HHIPL2: variants seen among roughly 807,000 people sequenced by gnomAD.
HHIPL2 encodes HHIP like 2.
Under a neutral mutation model 61.0 loss-of-function variants are expected in HHIPL2, and 61 were observed. The ratio of observed to expected loss-of-function variants is 1.00; its 90% confidence interval spans 0.81 to 1.24. The LOEUF is 1.24. HHIPL2 is among the 50% of genes most tolerant of loss of function. The pLI, the probability that HHIPL2 is intolerant of heterozygous loss-of-function variation, is 0.00. For synonymous variants in HHIPL2, 343 were observed against 357.4 expected (o/e 0.96, Z 0.45); for missense variants, 885 against 910.2 (o/e 0.97, Z 0.36).
chr1:222,548,030 G>C lies in HHIPL2; in HGVS notation c.15C>G (p.Ser5=), dbSNP rs376346294. ...GCAGACCACCACACAGATTAGGAGT[G>C]GACGTTCTCAGCATTTTGGCCTTGG... is the stretch of plus-strand genomic sequence containing the variant. MLRT[S]TPNLCGGLHC... The change falls in exon 1 of 9, where the codon TCC becomes TCG. Residue 5 remains serine (S), a synonymous_variant. Coordinates refer to ENST00000343410, the MANE Select transcript of HHIPL2 (RefSeq NM_024746.4). 51 of 1,556,900 alleles carry C rather than the reference G, an allele frequency of 3.3e-5. No homozygotes were observed. In the African/African-American group the frequency reaches 4.4e-4, roughly 13 times the overall value.
intron 6 of HHIPL2, among the ~76,000 whole-genome samples, chr1:222,528,327 C>A (rs1571765163): frequency 6.6e-6 from 1 of 152,320 alleles, no homozygotes; most frequent in African/African-American, 2.4e-5. Flanking sequence ...GATAACCAGG[C>A]CGGGCGCGGT....
Position 222,532,164 on chromosome 1 carries a change from A to G in HHIPL2, c.1578-53T>C, listed in dbSNP as rs111442950. 1,344 of 1,515,518 alleles carry G rather than the reference A, an allele frequency of 8.9e-4. 12 individuals carry two copies. The African/African-American group carries it at 0.017, about 19-fold the overall frequency. 93.9% of individuals were successfully genotyped at this position (1,515,518 alleles called of 1,614,324 possible). A position where few individuals can be genotyped will look rare whatever the true frequency, so the allele number is the denominator to read the frequency against. On this transcript the variant is annotated intron_variant, in intron 5 of 8. Transcript: ENST00000343410. ...AGGAATCCATATATCCACTCTGCAG[A>G]ATACTTTTTCTCCTAGAATCAGAGA... is the stretch of plus-strand genomic sequence containing the variant.
At chr1:222,524,392 C>G (rs1421219466) in intron 7 of HHIPL2, 1 of 152,248 alleles carries the variant, frequency 6.6e-6, no homozygotes, top group Non-Finnish European at 1.5e-5. Flanking sequence ...CCTCCCAAGT[C>G]CAGGTGGGAG....
chr1:222,532,212 C>G, intron 5 of HHIPL2, 101 bp from the exon 6 acceptor site: 1 of 1,060,298 alleles, frequency 9.4e-7, no homozygotes, highest in Non-Finnish European at 1.3e-6. Flanking sequence ...AGGACTGAGT[C>G]CCCCATTAAG....
chr1:222,526,038 G>A (rs567520948), intron 7 of HHIPL2, among the ~76,000 whole-genome samples: 1 of 152,016 alleles, frequency 6.6e-6, no homozygotes, highest in South Asian at 2.1e-4. Flanking sequence ...AAAAAATCCA[G>A]TGCACTGCCC....
At chr1:222,532,242 C>A in intron 5 of HHIPL2, 131 bp from the exon 6 acceptor site, 1 of 710,558 alleles carries the variant, frequency 1.4e-6, no homozygotes, top group Non-Finnish European at 2.2e-6. Context: ...ACTAGCCTGC[C>A]TCCAAGCAAC....
At chr1:222,530,161 T>G (rs1304875947) in intron 6 of HHIPL2, among the ~76,000 whole-genome samples, 2 of 140,716 alleles carry the variant, frequency 1.4e-5, no homozygotes, top group African/African-American at 6.0e-5. Context: ...GTACCATGAC[T>G]GTTGTTTTTT....
intron 2 of HHIPL2, 135 bp downstream of exon 2, chr1:222,543,402 A>G: frequency 2.2e-6 from 2 of 900,624 alleles, no homozygotes. Flanking sequence ...GCCGTTCTCA[A>G]TCCACAGTGA....
At chr1:222,543,408 A>G (rs1165608516) in intron 2 of HHIPL2, 129 bp downstream of exon 2, 4 of 936,234 alleles carry the variant, frequency 4.3e-6, no homozygotes, top group Non-Finnish European at 6.5e-6. Flanking sequence ...CTCAATCCAC[A>G]GTGACTCCTT....
chr1:222,541,974 C>G (rs777856748), intron 3 of HHIPL2, 38 bp downstream of exon 3: 35 of 1,571,234 alleles, frequency 2.2e-5, no homozygotes, highest in Non-Finnish European at 2.9e-5. Context: ...CAGGGGCTCA[C>G]TCTGAAGGGA....
Position 222,540,271 on chromosome 1 carries a change from C to G in HHIPL2, c.1189G>C (p.Val397Leu). ...RAGSHGKRYR[V>L]PSDNPFVSEP... The stretch of plus-strand genomic sequence containing the variant: ...GAAACAAATGGATTGTCCGAGGGGA[C>G]TCGGTACCGCTTGCCATGTGAGCCT... Residue 397 changes from valine (V) to leucine (L), a missense_variant, in exon 4 of 9, where the codon GTC becomes CTC. Coordinates refer to ENST00000343410, the MANE Select transcript of HHIPL2 (RefSeq NM_024746.4). 1.2e-6 allele frequency: 2 copies of G among 1,614,216 alleles called. No homozygotes were observed. Among genetic ancestry groups the G allele is most frequent in the Non-Finnish European group, 1.7e-6 (2 of 1,180,032 alleles).
At chr1:222,546,047 A>AAAATAAATAAATAAAT (rs142768169) in intron 1 of HHIPL2, among the ~76,000 whole-genome samples, 29,375 of 141,148 alleles carry the variant, frequency 0.21, 3,466 homozygotes, top group Non-Finnish European at 0.24. Flanking sequence ...TCTGTCTCAA[A>AAAATAAATAAATAAAT]AAATAAATAA....
intron 6 of HHIPL2, among the ~76,000 whole-genome samples, chr1:222,528,421 A>G (rs113284668): frequency 0.028 from 4,190 of 152,322 alleles, 194 homozygotes; most frequent in African/African-American, 0.097. Context: ...AGCCTGGCCA[A>G]CATGGCAAAA....
chr1:222,538,724 T>C lies in HHIPL2; in HGVS notation c.1501A>G (p.Thr501Ala). The change falls in exon 5 of 9, where the codon ACT (threonine) becomes GCT (alanine). Residue 501 changes from threonine to alanine, a missense_variant. Physicochemically the swap from Thr to Ala is moderately conservative, Grantham distance 58 (BLOSUM62 0). Transcript: ENST00000343410. ...AYGHAVGKSV[T>A]GGYVYRGCES... ...CAACCACGATAGACATAACCTCCAGTGACTGACTTCCCCACTGCATGGCCA... is the reference window on the plus strand; with the variant it reads ...CAACCACGATAGACATAACCTCCAGCGACTGACTTCCCCACTGCATGGCCA... 1.2e-6 allele frequency: 2 copies of C among 1,614,010 alleles called. No individual in the cohort carries two copies. Among genetic ancestry groups the C allele is most frequent in the Non-Finnish European group, 1.7e-6 (2 of 1,179,888 alleles).
At chr1:222,534,081 G>T (rs1367813557) in intron 5 of HHIPL2, among the ~76,000 whole-genome samples, 9 of 152,188 alleles carry the variant, frequency 5.9e-5, no homozygotes, top group Non-Finnish European at 1.3e-4. Context: ...CAGTAGTGAG[G>T]AATAGAAAGC....
intron 5 of HHIPL2, among the ~76,000 whole-genome samples, chr1:222,534,302 C>T (rs1205291248): frequency 1.3e-5 from 2 of 152,200 alleles, no homozygotes; most frequent in South Asian, 4.1e-4. Flanking sequence ...GAGGAGAATA[C>T]AACCCATAAT....
At chr1:222,547,652 A>G in intron 1 of HHIPL2, 72 bp downstream of exon 1, 1 of 1,345,162 alleles carries the variant, frequency 7.4e-7, no homozygotes, top group Non-Finnish European at 1.0e-6. Context: ...CTCCCAAAGC[A>G]CCCTCCGCTC....
At chr1:222,527,133 A>C (rs1310826864) in intron 6 of HHIPL2, 83 bp from the exon 7 acceptor site, 1 of 1,092,536 alleles carries the variant, frequency 9.2e-7, no homozygotes, top group African/African-American at 1.6e-5. Context: ...AAATGGTCAA[A>C]AAGAGGTTAT....
chr1:222,538,513 G>A (rs1226023361), intron 5 of HHIPL2, 135 bp downstream of exon 5: 15 of 781,534 alleles, frequency 1.9e-5, no homozygotes, highest in Non-Finnish European at 2.9e-5. Flanking sequence ...ATGGTTGGTG[G>A]TAATATGAGT....
Sources: allele counts gnomAD v4.1 joint callset (sites outside exome capture counted in the v4.1 genomes callset), GRCh38; gene constraint gnomAD v4.1.1; transcripts MANE v1.5; gene names NCBI Gene and HGNC (gene_info 2026-07-23, HGNC 2026-07-21).